Variants in MGAM observed in about 807,000 individuals in gnomAD.
MGAM encodes the protein alpha-1,4-glucosidase.
Under a neutral mutation model 358.8 loss-of-function variants are expected in MGAM, and 253 were observed. The ratio of observed to expected loss-of-function variants is 0.71; its 90% CI spans 0.64 to 0.78. The LOEUF is 0.78. MGAM is among the 30% of genes least tolerant of loss of function. MGAM has a pLI of 0.00. For synonymous variants in MGAM, 1,105 were observed against 1,227.1 expected (o/e 0.90, Z 2.08); for missense variants, 3,080 against 3,432.6 (o/e 0.90, Z 2.57).
intron 2 of MGAM, among the ~76,000 whole-genome samples, chr7:142,006,320 G>C (rs781877441): frequency 1.8e-4 from 28 of 152,104 alleles, no homozygotes; most frequent in Non-Finnish European, 4.0e-4. Flanking sequence ...GCCCTTGTTT[G>C]ATGATGAAAT....
chr7:142,045,919 ATATT>A (rs1452993400), intron 21 of MGAM, among the ~76,000 whole-genome samples: 1 of 57,180 alleles, frequency 1.7e-5, no homozygotes, highest in African/African-American at 4.3e-5. Flanking sequence ...TGTAATATAT[ATATT>A]ATGTATACAT....
chr7:142,061,360 G>T lies in MGAM; in HGVS notation c.4122+987G>T, dbSNP rs189459204. ...TGGAGCTCTCAGTTTCTGGTGAAAG[G>T]TTCTCTTTGTCGGGTTTCCTGGTTC... is the stretch of plus-strand genomic sequence containing the variant. On this transcript the variant is annotated intron_variant, in intron 34 of 70. Transcript: ENST00000475668. Among the ~76,000 whole-genome samples the T allele has an allele frequency of 2.0e-5, 3 of 152,232 alleles. No homozygotes were observed. In the South Asian group the frequency reaches 6.2e-4, roughly 32 times the overall value.
chr7:142,006,289 C>T (rs949093980), intron 2 of MGAM, among the ~76,000 whole-genome samples: 1 of 152,086 alleles, frequency 6.6e-6, no homozygotes, highest in Admixed American at 6.6e-5. Context: ...GTGGATTTCC[C>T]ATCAAAACTC....
In MGAM at chr7:142,082,227, T is replaced by C. The variant is rs1181953943; in HGVS notation, c.6171+17T>C. On this transcript the variant is annotated intron_variant, in intron 51 of 70. Transcript: ENST00000475668. ...CCCCCAGGGGTAAGGACAGAGCATT[T>C]GAGATCTGTGTCTCTGCTTCTCTCC... The C allele has an allele frequency of 6.5e-7, 1 of 1,547,652 alleles. No individual in the cohort carries two copies. The highest frequency in any genetic ancestry group is 1.3e-5 in the African/African-American group (1 of 74,362).
intron 44 of MGAM, among the ~76,000 whole-genome samples, chr7:142,071,533 C>T (rs909488872): frequency 2.7e-5 from 4 of 146,256 alleles, no homozygotes; most frequent in African/African-American, 9.7e-5. Flanking sequence ...GGTCAGCCTC[C>T]TTGGTTTGCC....
intron 17 of MGAM, 60 bp downstream of exon 17, chr7:142,036,345 C>A: frequency 7.7e-7 from 1 of 1,298,016 alleles, no homozygotes; most frequent in Non-Finnish European, 1.1e-6. Context: ...CTAGATCTGT[C>A]TGCATCCTTG....
upstream of MGAM, among the ~76,000 whole-genome samples, chr7:141,992,898 C>T (rs1360943898): frequency 2.0e-5 from 3 of 151,912 alleles, no homozygotes; most frequent in South Asian, 2.1e-4. Flanking sequence ...TCTTGGCACT[C>T]GGCCAGCCTC....
At chr7:142,058,054 T>G in intron 30 of MGAM, 149 bp from the exon 31 acceptor site, 1 of 1,254,506 alleles carries the variant, frequency 8.0e-7, no homozygotes. Context: ...CTAAGTATCC[T>G]AGTGGCTCTA....
intron 16 of MGAM, among the ~76,000 whole-genome samples, chr7:142,035,560 G>T (rs1807908287): frequency 6.6e-6 from 1 of 152,136 alleles, no homozygotes; most frequent in Non-Finnish European, 1.5e-5. Context: ...TGAAAAGTGA[G>T]TATTTTTTCA....
At chr7:142,100,346 G>C (rs1166984333) in intron 67 of MGAM, among the ~76,000 whole-genome samples, 4 of 152,068 alleles carry the variant, frequency 2.6e-5, no homozygotes, top group Non-Finnish European at 4.4e-5. Flanking sequence ...ACATGAATGC[G>C]GACTAAAATT....
At position 142,027,204 on chromosome 7, in the gene MGAM, C is replaced by T. The variant is rs372045141; in HGVS notation, c.1072C>T (p.Gln358Ter). 1.8e-5 allele frequency: 29 copies of T among 1,612,054 alleles called. No individual in the cohort carries two copies. In the East Asian group the frequency reaches 2.2e-4, roughly 12 times the overall value. ...TGTGTTCTTGGGAAACACTCCAGAG[C>T]AAGTTGTTCAAGAATATCTAGAGGT... ...FYVFLGNTPE[Q>*]VVQEYLELIG... is the part of the protein sequence containing the mutation. Residue 358 changes from glutamine to a stop codon, truncating the protein, a stop_gained, in exon 9 of 71, where the codon CAA (glutamine) becomes TAA (stop). Coordinates refer to ENST00000475668, the MANE Select transcript of MGAM (RefSeq NM_001365693.1). LOFTEE classifies it high-confidence loss of function.
chr7:141,986,927 C>G (rs1803731705), intron 2 of MGAM, among the ~76,000 whole-genome samples: 1 of 152,076 alleles, frequency 6.6e-6, no homozygotes, highest in Non-Finnish European at 1.5e-5. Context: ...ATTTGGAGGT[C>G]CTACACTTGC....
At chr7:141,994,066 C>T (rs782608724), upstream of MGAM, among the ~76,000 whole-genome samples, 14 of 152,050 alleles carry the variant, frequency 9.2e-5, no homozygotes, top group Admixed American at 2.6e-4. Context: ...AGTAGAGACG[C>T]GGTTTCACCA....
At chr7:142,044,651 TATA>T (rs1809782781) in intron 21 of MGAM, among the ~76,000 whole-genome samples, 1 of 80,988 alleles carries the variant, frequency 1.2e-5, no homozygotes, top group Non-Finnish European at 2.8e-5. Flanking sequence ...ATATATGATA[TATA>T]ATGTATATTA....
At chr7:142,020,695 GT>G (rs1274820773) in intron 4 of MGAM, among the ~76,000 whole-genome samples, 1 of 151,170 alleles carries the variant, frequency 6.6e-6, no homozygotes, top group East Asian at 1.9e-4. Context: ...CACCTCTGGG[GT>G]TGAAGCAATT....
intron 3 of MGAM, among the ~76,000 whole-genome samples, chr7:142,010,341 T>C (rs1805508246): frequency 6.6e-6 from 1 of 152,142 alleles, no homozygotes; most frequent in South Asian, 2.1e-4. Context: ...TCAGCTGAAC[T>C]CGTTACCTCC....
At position 142,059,465 on chromosome 7, in the gene MGAM, C is replaced by A. The variant is rs777350287; in HGVS notation, c.3820-7C>A. 1.6e-5 allele frequency: 25 copies of A among 1,605,258 alleles called. No individual in the cohort carries two copies. Among genetic ancestry groups the A allele is most frequent in the Non-Finnish European group, 2.1e-5 (25 of 1,174,510 alleles). ...GCAGCCTCTCAGCTCCCCATGTCCT[C>A]CCGCAGGATGTGCAGTACTCAGACA... On this transcript the variant is annotated splice_polypyrimidine_tract_variant and splice_region_variant and intron_variant, in intron 31 of 70. Coordinates refer to ENST00000475668, the MANE Select transcript of MGAM (RefSeq NM_001365693.1).
chr7:142,038,719 A>C, intron 19 of MGAM, 104 bp downstream of exon 19: 1 of 797,998 alleles, frequency 1.3e-6, no homozygotes, highest in Non-Finnish European at 1.9e-6. Context: ...GACATCTGTG[A>C]CTGAGTCAGC....
Position 142,102,572 on chromosome 7 carries a change from T to C in MGAM, c.7964-58T>C, listed in dbSNP as rs1816530615. The C allele has an allele frequency of 1.3e-5, 19 of 1,487,362 alleles. No homozygotes were observed. In the Admixed American group the frequency reaches 2.2e-4, roughly 17 times the overall value. 92.1% of individuals were successfully genotyped at this position (1,487,362 alleles called of 1,614,324 possible). On this transcript the variant is annotated intron_variant, in intron 68 of 70. Transcript: ENST00000475668. The stretch of plus-strand genomic sequence containing the variant: ...ATTAGAACAGCATTTATATATTCTA[T>C]AGCATAGAGTTCTACAGCACAGGTC...
Sources: gnomAD v4.1 joint callset for allele counts (sites outside exome capture counted in the v4.1 genomes callset) on GRCh38, gnomAD v4.1.1 for gene constraint, MANE v1.5 for transcripts, NCBI Gene and HGNC (gene_info 2026-07-23, HGNC 2026-07-21) for gene names.